SULT1B1: variants seen among roughly 807,000 people sequenced by gnomAD.
SULT1B1 encodes the protein sulfotransferase 1B1.
Under a neutral mutation model 34.6 loss-of-function variants are expected in SULT1B1, and 28 were observed. That is an observed-to-expected ratio of 0.81 (90% CI 0.60 to 1.11). SULT1B1 has a LOEUF of 1.11. Ranked by LOEUF, SULT1B1 falls within the 50% of genes least tolerant of loss-of-function variation. The probability of loss-of-function intolerance (pLI) is 0.00; values close to 1 mark genes in which losing one functional copy is unlikely to be tolerated. For missense variants in SULT1B1, 374 were observed against 352.2 expected (o/e 1.06, Z -0.50); for synonymous variants, 147 against 110.2 (o/e 1.33, Z -2.09).
intron 4 of SULT1B1, among the ~76,000 whole-genome samples, chr4:69,744,050 C>A (rs766759915): frequency 3.9e-5 from 6 of 152,208 alleles, no homozygotes; most frequent in Non-Finnish European, 5.9e-5. Context: ...GAGGGTGGGG[C>A]TCCTGCCTGC....
chr4:69,759,104 A>G (rs1719299103), intron 1 of SULT1B1, among the ~76,000 whole-genome samples: 1 of 152,242 alleles, frequency 6.6e-6, no homozygotes, highest in Admixed American at 6.5e-5. Flanking sequence ...AGGGTCTTTT[A>G]AAACAAATTG....
rs188624223 is a variant in SULT1B1, at chr4:69,760,535, G to T, written c.-121C>A. 1 of 152,124 alleles carries T rather than the reference G, an allele frequency of 6.6e-6. No individual in the cohort carries two copies. Among genetic ancestry groups the T allele is most frequent in the Non-Finnish European group, 1.5e-5 (1 of 68,040 alleles). 9.4% of individuals were successfully genotyped at this position (152,124 alleles called of 1,614,324 possible). A position where few individuals can be genotyped will look rare whatever the true frequency, so the allele number is the denominator to read the frequency against. On this transcript the variant is annotated 5_prime_UTR_variant, in exon 1 of 8. Transcript: ENST00000310613. ...TGTAGAGTAACCATGGGAAACGGTG[G>T]TGGTTCTGGCAGGCAATGGGGAGCA... is the stretch of plus-strand genomic sequence containing the variant.
intron 4 of SULT1B1, among the ~76,000 whole-genome samples, chr4:69,735,305 A>C (rs1718258661): frequency 6.6e-6 from 1 of 152,196 alleles, no homozygotes; most frequent in Admixed American, 6.5e-5. Flanking sequence ...AACCATTTAC[A>C]GGCATACACG....
intron 4 of SULT1B1, among the ~76,000 whole-genome samples, chr4:69,743,395 A>G (rs1476291967): frequency 6.6e-6 from 1 of 152,166 alleles, no homozygotes; most frequent in African/African-American, 2.4e-5. Flanking sequence ...TATGGGCCTC[A>G]GAGGGGAAGA....
At position 69,724,680 on chromosome 4, in the gene SULT1B1, C is replaced by G. The variant is rs991434034; in HGVS notation, c.*2408G>C. On this transcript the variant is annotated 3_prime_UTR_variant, in exon 8 of 8. Transcript: ENST00000310613. Reference sequence around the variant, plus strand: ...TACTGGACCAAAACAGAGATATAGACCAATGGAACAGAACAGAGCCCTCAG... The same window carrying G: ...TACTGGACCAAAACAGAGATATAGAGCAATGGAACAGAACAGAGCCCTCAG... The G allele has an allele frequency of 6.6e-6, 1 of 152,156 alleles. No individual in the cohort carries two copies. The highest frequency in any genetic ancestry group is 2.4e-5 in the African/African-American group (1 of 41,410). The allele number at this position is 152,156 out of a possible 1,614,324, so 9.4% of individuals were successfully genotyped here.
In SULT1B1 at chr4:69,722,950, T is replaced by C. The variant is rs1450837986; in HGVS notation, c.*4138A>G. ...ATATAACTTGGCACATGTGATATGA[T>C]CTCAGGAAAAAGACTTTGCTGCACA... On this transcript the variant is annotated 3_prime_UTR_variant, in exon 8 of 8. Transcript: ENST00000310613. 1 of 151,794 alleles carries C rather than the reference T, an allele frequency of 6.6e-6. No individual in the cohort carries two copies. The highest frequency in any genetic ancestry group is 1.5e-5 in the Non-Finnish European group (1 of 67,976). 9.4% of individuals were successfully genotyped at this position (151,794 alleles called of 1,614,324 possible).
chr4:69,730,747 T>A, intron 6 of SULT1B1, 66 bp from the exon 7 acceptor site: 1 of 1,421,584 alleles, frequency 7.0e-7, no homozygotes, highest in South Asian at 1.3e-5. Context: ...TTATAAAACA[T>A]TTATAATCCG....
chr4:69,739,107 G>C (rs932626128), intron 4 of SULT1B1, among the ~76,000 whole-genome samples: 2 of 152,220 alleles, frequency 1.3e-5, no homozygotes, highest in African/African-American at 2.4e-5. Context: ...CTGGTGTTGA[G>C]TGTGTACAGC....
intron 1 of SULT1B1, among the ~76,000 whole-genome samples, chr4:69,756,980 G>GAC (rs371631388): frequency 0.15 from 17,079 of 116,314 alleles, 1,011 homozygotes; most frequent in Middle Eastern, 0.23. Flanking sequence ...CACACACACA[G>GAC]ACACACACAC....
chr4:69,721,530 A>C lies in SULT1B1; in HGVS notation c.*5558T>G, dbSNP rs1717669052. On this transcript the variant is annotated 3_prime_UTR_variant, in exon 8 of 8. Transcript: ENST00000310613. Reference sequence around the variant, plus strand: ...TATGGAGAAGGGTTGTATGTTGATTAATGGTGAAATGGGGCATAATACTTA... The same window carrying C: ...TATGGAGAAGGGTTGTATGTTGATTCATGGTGAAATGGGGCATAATACTTA... 6.6e-6 allele frequency: 1 copy of C among 152,114 alleles called. No individual in the cohort carries two copies. Among genetic ancestry groups the C allele is most frequent in the South Asian group, 2.1e-4 (1 of 4,832 alleles). The allele number at this position is 152,114 out of a possible 1,614,324, so 9.4% of individuals were successfully genotyped here.
At chr4:69,754,528 ATTC>A in intron 3 of SULT1B1, 139 bp downstream of exon 3, 1 of 714,410 alleles carries the variant, frequency 1.4e-6, no homozygotes, top group South Asian at 2.5e-5. Flanking sequence ...GTTTCTTCTT[ATTC>A]TTCAGTTTTA....
At position 69,730,657 on chromosome 4, in the gene SULT1B1, TC is replaced by T. The variant is rs754621710; in HGVS notation, c.621del (p.Ile208SerfsTer5). 4 of 1,612,330 alleles carry T rather than the reference TC, an allele frequency of 2.5e-6. No homozygotes were observed. In the African/African-American group the frequency reaches 5.3e-5, roughly 22 times the overall value. On this transcript the variant is annotated frameshift_variant, in exon 7 of 8. Transcript: ENST00000310613. LOFTEE classifies it high-confidence loss of function. ...AGGTTCTTCTCTAGAAATCTAATGA[TC>T]TTCTTGATTTCCTCCTTTGGATTCT... ...MKENPKEEIKKIIRFLEKNLN... is the reference protein window; with the variant it reads ...MKENPKEEIKXIIRFLEKNLN...
chr4:69,751,552 C>T (rs1718982822), intron 3 of SULT1B1, among the ~76,000 whole-genome samples: 2 of 152,098 alleles, frequency 1.3e-5, no homozygotes, highest in African/African-American at 4.8e-5. Flanking sequence ...CCCGGGTTCA[C>T]GCCATTCTCC....
intron 1 of SULT1B1, among the ~76,000 whole-genome samples, chr4:69,757,168 CT>C (rs1436520334): frequency 6.6e-6 from 1 of 152,140 alleles, no homozygotes; most frequent in African/African-American, 2.4e-5. Context: ...TTTACATCAA[CT>C]TTATTTATTT....
Position 69,736,494 on chromosome 4 carries a change from G to A in SULT1B1, c.376-2230C>T, listed in dbSNP as rs191688982. Among the ~76,000 whole-genome samples the A allele has an allele frequency of 1.3e-4, 20 of 152,106 alleles. No homozygotes were observed. The East Asian group carries it at 3.3e-3, about 25-fold the overall frequency. ...CAAAGAGGACTTCGTCTTACATCTT[G>A]GATACCAGCTCAGCGACAGTGGGAT... On this transcript the variant is annotated intron_variant, in intron 4 of 7. Coordinates refer to ENST00000310613, the MANE Select transcript of SULT1B1 (RefSeq NM_014465.4).
chr4:69,730,665 A>C lies in SULT1B1; in HGVS notation c.614T>G (p.Ile205Ser). ...EDMKENPKEE[I>S]KKIIRFLEKN... ...CTCTAGAAATCTAATGATCTTCTTG[A>C]TTTCCTCCTTTGGATTCTATTAGTG... Residue 205 changes from isoleucine (I) to serine (S), a missense_variant, in exon 7 of 8, where the codon ATC (isoleucine) becomes AGC (serine). Physicochemically the swap from Ile to Ser is moderately radical, Grantham distance 142. Transcript: ENST00000310613. 1 of 1,612,080 alleles carries C rather than the reference A, an allele frequency of 6.2e-7. No individual in the cohort carries two copies. Among genetic ancestry groups the C allele is most frequent in the Non-Finnish European group, 8.5e-7 (1 of 1,179,482 alleles).
intron 1 of SULT1B1, 85 bp from the exon 2 acceptor site, chr4:69,755,346 G>A: frequency 9.3e-7 from 1 of 1,078,326 alleles, no homozygotes; most frequent in Non-Finnish European, 1.3e-6. Flanking sequence ...AAGTAAAATT[G>A]GCCTTTAACA....
rs569214871 is a variant in SULT1B1 at position 69,757,258 on chromosome 4, T to A, written c.-44-1997A>T. Among the ~76,000 whole-genome samples the A allele has an allele frequency of 1.2e-4, 18 of 152,308 alleles. No homozygotes were observed. In the South Asian group the frequency reaches 3.7e-3, roughly 32 times the overall value. On this transcript the variant is annotated intron_variant, in intron 1 of 7. Transcript: ENST00000310613. ...TTAATTTAATAACATATAACATGTT[T>A]ACTATTGTATAGATAGAATTTGAAC...
chr4:69,729,072 A>G (rs1717957310), intron 7 of SULT1B1, among the ~76,000 whole-genome samples: 1 of 152,072 alleles, frequency 6.6e-6, no homozygotes, highest in South Asian at 2.1e-4. Flanking sequence ...AAATGGCATC[A>G]ATTTTCATAT....
Sources: gnomAD v4.1 joint callset for allele counts (sites outside exome capture counted in the v4.1 genomes callset) on GRCh38, gnomAD v4.1.1 for gene constraint, MANE v1.5 for transcripts, NCBI Gene and HGNC (gene_info 2026-07-23, HGNC 2026-07-21) for gene names.